C8orf34: variants seen among roughly 807,000 people sequenced by gnomAD.
C8orf34 encodes uncharacterized protein C8orf34.
C8orf34 carries 65 observed loss-of-function variants against 68.3 expected under a neutral mutation model. That is an observed-to-expected ratio of 0.95 (90% confidence interval 0.78 to 1.17). The LOEUF (loss-of-function observed/expected upper bound fraction) is 1.17, where lower values mean the gene tolerates loss of function less well. C8orf34 is among the 50% of genes most tolerant of loss of function. The probability of loss-of-function intolerance (pLI) is 0.00; values close to 1 mark genes in which losing one functional copy is unlikely to be tolerated. For missense variants in C8orf34, 664 were observed against 655.4 expected (o/e 1.01, Z -0.14); for synonymous variants, 244 against 241.2 (o/e 1.01, Z -0.11).
chr8:68,423,725 A>G (rs1810084635), intron 1 of C8orf34, among the ~76,000 whole-genome samples: 1 of 152,152 alleles, frequency 6.6e-6, no homozygotes, highest in Non-Finnish European at 1.5e-5. Flanking sequence ...TAACACTGCT[A>G]TGAAGAAATA....
At chr8:68,544,653 A>G (rs1250973533) in intron 7 of C8orf34, among the ~76,000 whole-genome samples, 3 of 152,206 alleles carry the variant, frequency 2.0e-5, no homozygotes, top group Non-Finnish European at 4.4e-5. Context: ...ATTTAATGGA[A>G]AAGAACATAA....
intron 8 of C8orf34, among the ~76,000 whole-genome samples, chr8:68,685,562 T>G (rs1412323459): frequency 6.6e-6 from 1 of 152,086 alleles, no homozygotes; most frequent in Non-Finnish European, 1.5e-5. Flanking sequence ...TTAAAAAGCA[T>G]GTTGATCCAG....
intron 7 of C8orf34, among the ~76,000 whole-genome samples, chr8:68,627,682 C>T (rs1818575953): frequency 6.6e-6 from 1 of 152,152 alleles, no homozygotes; most frequent in Non-Finnish European, 1.5e-5. Context: ...TATTTTCTTC[C>T]AGATTGGAAG....
chr8:68,347,596 C>CG (rs1806336260), intron 1 of C8orf34, among the ~76,000 whole-genome samples: 1 of 152,012 alleles, frequency 6.6e-6, no homozygotes, highest in South Asian at 2.1e-4. Flanking sequence ...TAAGTGTTCC[C>CG]TTTTCTCCAC....
intron 9 of C8orf34, among the ~76,000 whole-genome samples, chr8:68,710,166 A>G (rs1333597615): frequency 1.3e-5 from 2 of 152,182 alleles, no homozygotes; most frequent in African/African-American, 4.8e-5. Context: ...AGCAGCATGT[A>G]GAAACTCACA....
At chr8:68,779,407 C>T (rs1365319443) in intron 11 of C8orf34, among the ~76,000 whole-genome samples, 1 of 152,104 alleles carries the variant, frequency 6.6e-6, no homozygotes, top group Non-Finnish European at 1.5e-5. Flanking sequence ...TCCTAACACC[C>T]TTAGGAAGTT....
intron 8 of C8orf34, among the ~76,000 whole-genome samples, chr8:68,684,807 A>T (rs926477640): frequency 6.6e-6 from 1 of 152,016 alleles, no homozygotes; most frequent in Admixed American, 6.6e-5. Context: ...ATTTTTTTTA[A>T]AATTTCCCTT....
intron 7 of C8orf34, among the ~76,000 whole-genome samples, chr8:68,620,222 C>T (rs542492244): frequency 2.6e-5 from 4 of 152,216 alleles, no homozygotes; most frequent in Non-Finnish European, 4.4e-5. Flanking sequence ...GTGCTCTGAG[C>T]GGGACCTGGA....
At chr8:68,589,602 AAAGAAAGAAGGAGAGAAG>A (rs1817315115) in intron 7 of C8orf34, among the ~76,000 whole-genome samples, 2 of 122,504 alleles carry the variant, frequency 1.6e-5, no homozygotes, top group South Asian at 2.5e-4. Flanking sequence ...GGAAGGAAGG[AAAGAAAGAAGGAGAGAAG>A]AAGAAAGAAG....
chr8:68,701,209 C>G (rs968146533), intron 8 of C8orf34, among the ~76,000 whole-genome samples: 3 of 152,182 alleles, frequency 2.0e-5, no homozygotes, highest in Admixed American at 6.5e-5. Flanking sequence ...CTTCAAACAG[C>G]CTGTTCGATA....
At chr8:68,505,977 A>G (rs879503352) in intron 5 of C8orf34, among the ~76,000 whole-genome samples, 2 of 152,206 alleles carry the variant, frequency 1.3e-5, no homozygotes, top group African/African-American at 2.4e-5. Context: ...ACTACCATGT[A>G]GCTAAAAATA....
intron 1 of C8orf34, among the ~76,000 whole-genome samples, chr8:68,367,915 A>AAG (rs1807370582): frequency 2.6e-4 from 6 of 22,896 alleles, no homozygotes; most frequent in Admixed American, 9.7e-4. Flanking sequence ...AAGAAAAGAA[A>AAG]AAAAAAAAAA....
chr8:68,352,415 A>ACTTTT (rs2308076), intron 1 of C8orf34, among the ~76,000 whole-genome samples: 100,490 of 151,342 alleles, frequency 0.66, 34,488 homozygotes, highest in African/African-American at 0.86. Context: ...TGTTTTGGTC[A>ACTTTT]CTTTTTCTTT....
chr8:68,529,651 G>A (rs546196112), intron 6 of C8orf34, among the ~76,000 whole-genome samples: 1 of 152,176 alleles, frequency 6.6e-6, no homozygotes, highest in African/African-American at 2.4e-5. Flanking sequence ...AACACATCCA[G>A]CCTCAAGGAT....
At chr8:68,349,260 T>A (rs1806408820) in intron 1 of C8orf34, among the ~76,000 whole-genome samples, 2 of 152,110 alleles carry the variant, frequency 1.3e-5, no homozygotes, top group Non-Finnish European at 2.9e-5. Flanking sequence ...TAGTTCTGTT[T>A]ATGTGATGAA....
intron 1 of C8orf34, among the ~76,000 whole-genome samples, chr8:68,369,217 C>A (rs890490509): frequency 6.6e-6 from 1 of 152,218 alleles, no homozygotes; most frequent in Non-Finnish European, 1.5e-5. Context: ...CTGTTCTTTT[C>A]AAATCTCTGA....
At chr8:68,533,962 G>T in intron 7 of C8orf34, 1 of 847,650 alleles carries the variant, frequency 1.2e-6, no homozygotes. Context: ...TATTTAGAAA[G>T]AGAATAAATA....
chr8:68,369,326 G>C (rs1807454125), intron 1 of C8orf34, among the ~76,000 whole-genome samples: 1 of 152,152 alleles, frequency 6.6e-6, no homozygotes, highest in Non-Finnish European at 1.5e-5. Flanking sequence ...TTTGCTTCTT[G>C]GGAGCCTTTC....
rs55927657 is a variant in C8orf34, at chr8:68,461,905, A to G, written c.608-6787A>G. ...CAACTAACGAGCAAAATAACAGCTAACATCATAATGACAGGATCAAATTCA... is the reference window on the plus strand; with the variant it reads ...CAACTAACGAGCAAAATAACAGCTAGCATCATAATGACAGGATCAAATTCA... On this transcript the variant is annotated intron_variant, in intron 3 of 13. Transcript: ENST00000518698. 4.7e-3 allele frequency among the ~76,000 whole-genome samples: 712 copies of G among 152,316 alleles called. 2 individuals carry two copies. Among genetic ancestry groups the G allele is most frequent in the Middle Eastern group, 0.031 (9 of 294 alleles).
Sources: gnomAD v4.1 joint callset for allele counts (sites outside exome capture counted in the v4.1 genomes callset) on GRCh38, gnomAD v4.1.1 for gene constraint, MANE v1.5 for transcripts, NCBI Gene and HGNC (gene_info 2026-07-23, HGNC 2026-07-21) for gene names.